The following HDAC4 variants were observed in gnomAD, a reference collection of about 807,000 sequenced individuals.
HDAC4 encodes the protein histone deacetylase A.
In HDAC4, 16 loss-of-function variants were observed where a neutral mutation model predicts 135.1. The observed-to-expected ratio is 0.12, with a 90% CI of 0.08 to 0.18. The LOEUF is 0.18. Among genes scored for constraint, HDAC4 ranks in the 10% least tolerant of loss-of-function variants. The pLI is 1.00. For synonymous variants in HDAC4, 685 were observed against 653.4 expected (o/e 1.05, Z -0.74); for missense variants, 1,143 against 1,511.8 (o/e 0.76, Z 4.05).
At chr2:239,191,977 T>C (rs2044994250) in intron 3 of HDAC4, among the ~76,000 whole-genome samples, 1 of 152,228 alleles carries the variant, frequency 6.6e-6, no homozygotes, top group South Asian at 2.1e-4. Context: ...AATCCTCCTC[T>C]CTGACTGTTT....
chr2:239,134,134 G>A, intron 11 of HDAC4, 111 bp downstream of exon 11: 3 of 805,768 alleles, frequency 3.7e-6, no homozygotes, highest in Admixed American at 3.9e-5. Context: ...GAACTGTGGG[G>A]GTGGGACAGG....
In HDAC4 at chr2:239,303,048, C is replaced by G. The variant is rs184555699; in HGVS notation, c.22+49630G>C. On this transcript the variant is annotated intron_variant, in intron 2 of 26. Coordinates refer to ENST00000543185, the MANE Select transcript of HDAC4 (RefSeq NM_001378414.1). This position sits in a 1 kb window ranked among gnomAD's most constrained non-coding sequence, Gnocchi z 5.1. ...CCACCTCGGGAGTCCTCAAACCCCC[C>G]CCGGGTGGGAGAGGTCATCACCTCC... Among the ~76,000 whole-genome samples, 115 of 152,314 alleles carry G rather than the reference C, an allele frequency of 7.6e-4. No homozygotes were observed. The highest frequency in any genetic ancestry group is 2.6e-3 in the African/African-American group (107 of 41,568).
rs114304738 is a variant in HDAC4 at position 239,160,463 on chromosome 2, C to T, written c.611+3340G>A. 6.6e-3 allele frequency among the ~76,000 whole-genome samples: 1,004 copies of T among 152,344 alleles called. 17 individuals carry two copies. Among genetic ancestry groups the T allele is most frequent in the African/African-American group, 0.023 (951 of 41,584 alleles). ...CTCACGTAAACACCCACAGAGTCCA[C>T]GCCCTGATGAAGCCACAGCACCATC... On this transcript the variant is annotated intron_variant, in intron 6 of 26. Coordinates refer to ENST00000543185, the MANE Select transcript of HDAC4 (RefSeq NM_001378414.1).
chr2:239,069,399 TGA>T (rs1292204131), intron 22 of HDAC4, among the ~76,000 whole-genome samples: 1 of 106,822 alleles, frequency 9.4e-6, no homozygotes, highest in African/African-American at 3.5e-5. Flanking sequence ...ACTTGCTTAG[TGA>T]GAGTGAGTCA....
In HDAC4 at chr2:239,068,298, C is replaced by T. The variant is rs1197978350; in HGVS notation, c.2869+191G>A. ...AGTGCCCGAGGTGCCTGGGTCTGAG[C>T]TCCCGCTGCCTGCTCTGGGCTCTCT... On this transcript the variant is annotated intron_variant, in intron 23 of 26. Transcript: ENST00000543185. The surrounding 1 kb of genome is among the most constrained non-coding windows in gnomAD (Gnocchi z 4.4). 5.3e-5 allele frequency among the ~76,000 whole-genome samples: 8 copies of T among 152,180 alleles called. No individual in the cohort carries two copies.
intron 2 of HDAC4, among the ~76,000 whole-genome samples, chr2:239,321,877 C>T (rs2053327990): frequency 6.6e-6 from 1 of 152,180 alleles, no homozygotes; most frequent in African/African-American, 2.4e-5. Flanking sequence ...GGGGGAGGGT[C>T]TTCACTGCGA....
At position 239,183,711 on chromosome 2, in the gene HDAC4, C is replaced by G. The variant is rs577920211; in HGVS notation, c.339+6122G>C. On this transcript the variant is annotated intron_variant, in intron 4 of 26. Coordinates refer to ENST00000543185, the MANE Select transcript of HDAC4 (RefSeq NM_001378414.1). ...CCAAACCAAGAGTGTGCTCCTGCCC[C>G]CTGCCTCCCCACCGCACCCCTGTCC... Among the ~76,000 whole-genome samples, 44 of 152,316 alleles carry G rather than the reference C, an allele frequency of 2.9e-4. 1 individual carries two copies. In the South Asian group the frequency reaches 9.1e-3, roughly 32 times the overall value.
chr2:239,176,660 G>A (rs1365358376), intron 4 of HDAC4, 97 bp from the exon 5 acceptor site: 28 of 1,139,138 alleles, frequency 2.5e-5, no homozygotes, highest in East Asian at 4.9e-5. Context: ...GGCCCTACAC[G>A]TCTGCCCTGG....
At chr2:239,114,434 G>A (rs1357803479) in intron 13 of HDAC4, among the ~76,000 whole-genome samples, 4 of 152,236 alleles carry the variant, frequency 2.6e-5, no homozygotes, top group Non-Finnish European at 5.9e-5. Context: ...CGGGGCTCCA[G>A]CTGGCTGCCC....
intron 3 of HDAC4, among the ~76,000 whole-genome samples, chr2:239,235,538 C>T (rs970694005): frequency 2.0e-5 from 3 of 152,220 alleles, no homozygotes; most frequent in South Asian, 2.1e-4. Context: ...CCCTGCAGGA[C>T]GCATGTGGAA....
rs2052776971 is a variant in HDAC4, at chr2:239,309,665, A to G, written c.22+43013T>C. Among the ~76,000 whole-genome samples the G allele has an allele frequency of 6.6e-6, 1 of 152,230 alleles. No homozygotes were observed. The highest frequency in any genetic ancestry group is 6.5e-5 in the Admixed American group (1 of 15,288). ...AGGGAGAAGATGGAGGTCAAGTCAT[A>G]GGGCCTCCACCGCAGGCAGAGCTCC... On this transcript the variant is annotated intron_variant, in intron 2 of 26. Coordinates refer to ENST00000543185, the MANE Select transcript of HDAC4 (RefSeq NM_001378414.1). The surrounding 1 kb of genome is among the most constrained non-coding windows in gnomAD (Gnocchi z 4.2).
At chr2:239,346,004 TCA>T (rs1012465968) in intron 2 of HDAC4, among the ~76,000 whole-genome samples, 36 of 129,468 alleles carry the variant, frequency 2.8e-4, no homozygotes, top group Non-Finnish European at 4.6e-4. Flanking sequence ...ACACTTGCAC[TCA>T]CTCTCACACA....
At position 239,164,950 on chromosome 2, in the gene HDAC4, C is replaced by T. The variant is rs550245764; in HGVS notation, c.491-1027G>A. Among the ~76,000 whole-genome samples the T allele has an allele frequency of 1.2e-4, 19 of 152,310 alleles. 1 individual carries two copies. The South Asian group carries it at 2.1e-3, about 17-fold the overall frequency. On this transcript the variant is annotated intron_variant, in intron 5 of 26. Coordinates refer to ENST00000543185, the MANE Select transcript of HDAC4 (RefSeq NM_001378414.1). ...AATATCCCTACACATAGGCCAGGCC[C>T]GAAGGCTCACACCTGGAATCCCAGC... is the stretch of plus-strand genomic sequence containing the variant.
chr2:239,067,709 G>A (rs900175757), intron 23 of HDAC4, among the ~76,000 whole-genome samples: 1 of 152,186 alleles, frequency 6.6e-6, no homozygotes, highest in African/African-American at 2.4e-5. Context: ...CAGCCACCGA[G>A]GGCTGCCTCA....
At chr2:239,356,830 TATACC>T (rs1693519026) in intron 1 of HDAC4, among the ~76,000 whole-genome samples, 1 of 152,112 alleles carries the variant, frequency 6.6e-6, no homozygotes, top group Non-Finnish European at 1.5e-5. Flanking sequence ...ATCATGAGTC[TATACC>T]GAGACCTCAG....
chr2:239,199,040 C>T (rs999436246), intron 3 of HDAC4, among the ~76,000 whole-genome samples: 3 of 152,222 alleles, frequency 2.0e-5, no homozygotes, highest in Non-Finnish European at 2.9e-5. Context: ...GTTCAAATCA[C>T]GATCCAAATA....
chr2:239,079,915 G>T lies in HDAC4; in HGVS notation c.2750+1180C>A, dbSNP rs191809605. Among the ~76,000 whole-genome samples, 3 of 148,532 alleles carry T rather than the reference G, an allele frequency of 2.0e-5. 1 individual carries two copies. Among genetic ancestry groups the T allele is most frequent in the Admixed American group, 2.0e-4 (3 of 15,168 alleles). ...AGAGATATGCACACACACGTATACTGCATGCACACAGACATGCATCCACAC... is the reference window on the plus strand; with the variant it reads ...AGAGATATGCACACACACGTATACTTCATGCACACAGACATGCATCCACAC... On this transcript the variant is annotated intron_variant, in intron 22 of 26. Transcript: ENST00000543185.
chr2:239,164,423 G>A (rs1457816927), intron 5 of HDAC4, among the ~76,000 whole-genome samples: 3 of 152,244 alleles, frequency 2.0e-5, no homozygotes, highest in Non-Finnish European at 4.4e-5. Flanking sequence ...AAAGGGCAGC[G>A]CCTGTCCTCC....
chr2:239,224,730 C>T (rs1406198002), intron 3 of HDAC4, among the ~76,000 whole-genome samples: 1 of 152,196 alleles, frequency 6.6e-6, no homozygotes, highest in African/African-American at 2.4e-5. Context: ...CAGGGGATGG[C>T]ATTAGAAGGC....
Sources: allele counts gnomAD v4.1 joint callset (sites outside exome capture counted in the v4.1 genomes callset), GRCh38; gene constraint gnomAD v4.1.1; non-coding constraint Gnocchi (gnomAD v3.1); transcripts MANE v1.5; gene names NCBI Gene and HGNC (gene_info 2026-07-23, HGNC 2026-07-21).